Variants in LMX1B observed in about 807,000 individuals in gnomAD.
LMX1B encodes LIM homeobox transcription factor 1 beta.
Under a neutral mutation model 51.4 loss-of-function variants are expected in LMX1B, and 12 were observed. That is an observed-to-expected ratio of 0.23 (90% CI 0.15 to 0.38). The LOEUF (loss-of-function observed/expected upper bound fraction) is 0.38, where lower values mean the gene tolerates loss of function less well. Among genes scored for constraint, LMX1B ranks in the 10% least tolerant of loss-of-function variants. LMX1B has a pLI of 1.00. For missense variants in LMX1B, 445 were observed against 571.1 expected (o/e 0.78, Z 2.25); for synonymous variants, 237 against 235.4 (o/e 1.01, Z -0.06).
intron 7 of LMX1B, 27 bp from the exon 8 acceptor site, chr9:126,696,267 G>T: frequency 6.2e-7 from 1 of 1,612,772 alleles, no homozygotes; most frequent in Non-Finnish European, 8.5e-7. Context: ...CCTGTACCCC[G>T]GTCCTGACAC....
At chr9:126,643,632 T>G (rs1227939580) in intron 2 of LMX1B, among the ~76,000 whole-genome samples, 1 of 152,148 alleles carries the variant, frequency 6.6e-6, no homozygotes, top group Non-Finnish European at 1.5e-5. Context: ...AAAGGGGATG[T>G]CATTAGTAAT....
At position 126,699,173 on chromosome 9, in the gene LMX1B, C is replaced by G. The variant is rs764841369; in HGVS notation, c.*2722C>G. The G allele has an allele frequency of 6.6e-6, 1 of 152,238 alleles. No homozygotes were observed. The highest frequency in any genetic ancestry group is 1.5e-5 in the Non-Finnish European group (1 of 68,080). 9.4% of individuals were successfully genotyped at this position (152,238 alleles called of 1,614,324 possible). A position where few individuals can be genotyped will look rare whatever the true frequency, so the allele number is the denominator to read the frequency against. On this transcript the variant is annotated 3_prime_UTR_variant, in exon 8 of 8. Coordinates refer to ENST00000373474, the MANE Select transcript of LMX1B (RefSeq NM_001174147.2). ...AATAAGTTGGAAGGGACGTCAGAAGCGGTCATCTCATCTGCCCCTTATTTT... is the reference window on the plus strand; with the variant it reads ...AATAAGTTGGAAGGGACGTCAGAAGGGGTCATCTCATCTGCCCCTTATTTT...
chr9:126,688,028 T>A (rs994359535), intron 2 of LMX1B, among the ~76,000 whole-genome samples: 4 of 152,196 alleles, frequency 2.6e-5, no homozygotes, highest in African/African-American at 9.6e-5. Flanking sequence ...CCCGATGTTT[T>A]ATTGGGTGGA....
intron 2 of LMX1B, among the ~76,000 whole-genome samples, chr9:126,637,244 ATTC>A (rs1471331890): frequency 6.6e-6 from 1 of 152,160 alleles, no homozygotes; most frequent in East Asian, 1.9e-4. Context: ...ACTCTGGCTT[ATTC>A]TTCTGAATTC....
intron 2 of LMX1B, among the ~76,000 whole-genome samples, chr9:126,681,932 T>C (rs1383010993): frequency 6.6e-6 from 1 of 150,548 alleles, no homozygotes; most frequent in Non-Finnish European, 1.5e-5. Context: ...TAAAATAAAA[T>C]GCCAATCAGA....
intron 2 of LMX1B, among the ~76,000 whole-genome samples, chr9:126,685,212 G>A (rs1024970199): frequency 6.6e-6 from 1 of 152,178 alleles, no homozygotes; most frequent in Admixed American, 6.5e-5. Flanking sequence ...TGCAAAGGAA[G>A]GGGGCAGAGA....
intron 2 of LMX1B, among the ~76,000 whole-genome samples, chr9:126,636,776 G>A (rs755420349): frequency 6.6e-6 from 1 of 152,158 alleles, no homozygotes; most frequent in African/African-American, 2.4e-5. Flanking sequence ...CCCAGCATCC[G>A]GCACAGGGAA....
At chr9:126,617,503 A>G (rs1371928637) in intron 2 of LMX1B, among the ~76,000 whole-genome samples, 2 of 151,662 alleles carry the variant, frequency 1.3e-5, no homozygotes, top group Non-Finnish European at 2.9e-5. Flanking sequence ...AAAAAAAAAA[A>G]GGAAAGGATA....
At chr9:126,624,781 G>A (rs1835487867) in intron 2 of LMX1B, among the ~76,000 whole-genome samples, 1 of 151,806 alleles carries the variant, frequency 6.6e-6, no homozygotes, top group Admixed American at 6.6e-5. Context: ...CAGTTTAGGG[G>A]GATTACAAAA....
chr9:126,637,618 G>A lies in LMX1B; in HGVS notation c.326+22049G>A, dbSNP rs1588272466. Among the ~76,000 whole-genome samples the A allele has an allele frequency of 2.0e-5, 3 of 152,228 alleles. No homozygotes were observed. The South Asian group carries it at 6.2e-4, about 32-fold the overall frequency. On this transcript the variant is annotated intron_variant, in intron 2 of 7. Coordinates refer to ENST00000373474, the MANE Select transcript of LMX1B (RefSeq NM_001174147.2). ...GGGAAGGGCGTGCACCTGTGTCACT[G>A]TGGGCCCTGCGGGTGTGATGTATGG...
intron 2 of LMX1B, among the ~76,000 whole-genome samples, chr9:126,682,081 G>GCCTTTTTT (rs755608375): frequency 0.093 from 7,456 of 80,186 alleles, 989 homozygotes; most frequent in Non-Finnish European, 0.12. Context: ...GGTCCCCAGG[G>GCCTTTTTT]TCTTTTTTTT....
intron 2 of LMX1B, among the ~76,000 whole-genome samples, chr9:126,623,759 C>T (rs1407994946): frequency 2.6e-5 from 4 of 152,170 alleles, no homozygotes; most frequent in Admixed American, 6.5e-5. Flanking sequence ...CTGACCTCCT[C>T]TGCGCGGATT....
chr9:126,662,794 G>A (rs1158123776), intron 2 of LMX1B, among the ~76,000 whole-genome samples: 1 of 152,250 alleles, frequency 6.6e-6, no homozygotes, highest in African/African-American at 2.4e-5. Context: ...GTCTAGACAG[G>A]GCAGCCCCAG....
intron 2 of LMX1B, among the ~76,000 whole-genome samples, chr9:126,684,747 C>A (rs1029848900): frequency 2.1e-5 from 3 of 141,806 alleles, no homozygotes; most frequent in African/African-American, 6.1e-5. Context: ...AAACATGGTA[C>A]CCCCCGTGGT....
chr9:126,637,363 C>T (rs776496211), intron 2 of LMX1B, among the ~76,000 whole-genome samples: 3 of 152,094 alleles, frequency 2.0e-5, no homozygotes, highest in Non-Finnish European at 4.4e-5. Flanking sequence ...GCACGTCACC[C>T]TCTGTGCCTG....
intron 2 of LMX1B, among the ~76,000 whole-genome samples, chr9:126,662,125 TC>T (rs1428322065): frequency 2.0e-5 from 3 of 152,304 alleles, no homozygotes; most frequent in African/African-American, 7.2e-5. Context: ...CTGCTACCAG[TC>T]CCTGCTTTGC....
rs1195630902 is a variant in LMX1B, at chr9:126,659,267, A to G, written c.327-31569A>G. On this transcript the variant is annotated intron_variant, in intron 2 of 7. Coordinates refer to ENST00000373474, the MANE Select transcript of LMX1B (RefSeq NM_001174147.2). The stretch of plus-strand genomic sequence containing the variant: ...CACCAGTGCTGGGCAGGTGGTGAGG[A>G]GGGTCCCAGGCCTGGGCAGAACGTG... Among the ~76,000 whole-genome samples the G allele has an allele frequency of 3.3e-5, 5 of 152,156 alleles. No individual in the cohort carries two copies. In the East Asian group the frequency reaches 9.6e-4, roughly 29 times the overall value.
rs1257597810 is a variant in LMX1B, at chr9:126,698,141, C to T, written c.*1690C>T. On this transcript the variant is annotated 3_prime_UTR_variant, in exon 8 of 8. Transcript: ENST00000373474. ...CCGCCTGCCTCGGCCTCCCAAAGTGCTGGGATTACAGGCGTGAGCCACCGC... is the reference window on the plus strand; with the variant it reads ...CCGCCTGCCTCGGCCTCCCAAAGTGTTGGGATTACAGGCGTGAGCCACCGC... 1.3e-5 allele frequency: 2 copies of T among 152,636 alleles called. No homozygotes were observed. The highest frequency in any genetic ancestry group is 6.5e-5 in the Admixed American group (1 of 15,284). 9.5% of individuals were successfully genotyped at this position (152,636 alleles called of 1,614,324 possible).
intron 2 of LMX1B, among the ~76,000 whole-genome samples, chr9:126,636,239 G>T (rs534063383): frequency 6.6e-6 from 1 of 152,292 alleles, no homozygotes; most frequent in East Asian, 1.9e-4. Flanking sequence ...GCTTGTAAAG[G>T]CCCTGATGGA....
Sources: allele counts gnomAD v4.1 joint callset (sites outside exome capture counted in the v4.1 genomes callset), GRCh38; gene constraint gnomAD v4.1.1; transcripts MANE v1.5; gene names NCBI Gene and HGNC (gene_info 2026-07-23, HGNC 2026-07-21).